The following SLC30A7 variants were observed in gnomAD, a reference collection of about 807,000 sequenced individuals.
The protein encoded by SLC30A7 is zinc transporter 7.
In SLC30A7, 35 loss-of-function variants were observed where a neutral mutation model predicts 46.0. The observed-to-expected ratio is 0.76, with a 90% CI of 0.58 to 1.01. The LOEUF (loss-of-function observed/expected upper bound fraction) is 1.01. Ranked by LOEUF, SLC30A7 falls within the 50% of genes least tolerant of loss-of-function variation. The pLI is 0.00. For missense variants in SLC30A7, 464 were observed against 451.1 expected, an observed-to-expected ratio of 1.03 and a Z score of -0.26; for synonymous variants, 147 against 157.8, an observed-to-expected ratio of 0.93 and a Z score of 0.51.
At chr1:100,974,662 G>T in intron 10 of SLC30A7, 148 bp from the exon 11 acceptor site, 2 of 513,354 alleles carry the variant, frequency 3.9e-6, no homozygotes, top group South Asian at 5.5e-5. Context: ...ATTATTTTTT[G>T]TAGCTTATGA....
chr1:100,913,529 A>G (rs1483620802), intron 5 of SLC30A7, 134 bp from the exon 6 acceptor site: 2 of 677,306 alleles, frequency 3.0e-6, no homozygotes. Context: ...CAAATGTGTA[A>G]CACTTTTTAC....
chr1:100,970,204 A>C (rs943829357), intron 10 of SLC30A7, among the ~76,000 whole-genome samples: 1 of 152,210 alleles, frequency 6.6e-6, no homozygotes, highest in African/African-American at 2.4e-5. Context: ...GATTTATTAC[A>C]TTTTTAGGTA....
At chr1:100,974,578 A>G (rs1570602928) in intron 10 of SLC30A7, among the ~76,000 whole-genome samples, 1 of 152,020 alleles carries the variant, frequency 6.6e-6, no homozygotes, top group East Asian at 1.9e-4. Context: ...TATCACCTGG[A>G]TATCTGGATA....
At chr1:100,974,665 G>T in intron 10 of SLC30A7, 145 bp from the exon 11 acceptor site, 1 of 536,110 alleles carries the variant, frequency 1.9e-6, no homozygotes. Context: ...ATTTTTTGTA[G>T]CTTATGAATA....
chr1:100,958,750 G>A (rs1057035598), intron 8 of SLC30A7, among the ~76,000 whole-genome samples: 25 of 152,026 alleles, frequency 1.6e-4, no homozygotes, highest in Admixed American at 8.5e-4. Context: ...ACATTTATTT[G>A]CCAAACACCA....
At chr1:100,991,516 G>A in the SLC30A7 span, among the ~76,000 whole-genome samples, 2 of 152,144 alleles carry the variant, frequency 1.3e-5, no homozygotes, top group African/African-American at 4.8e-5. Flanking sequence ...GACTGGGTGC[G>A]GTGACTCGCA....
chr1:100,982,249 C>T (rs1385801709), downstream of SLC30A7, among the ~76,000 whole-genome samples: 2 of 152,240 alleles, frequency 1.3e-5, no homozygotes, highest in African/African-American at 4.8e-5. Flanking sequence ...TCAATCTCTG[C>T]CATACTTCAA....
chr1:100,990,353 CAT>C, the SLC30A7 span: 6 of 1,528,496 alleles, frequency 3.9e-6, no homozygotes, highest in Non-Finnish European at 4.5e-6. Flanking sequence ...ACATCCAAAC[CAT>C]ATCAATCCAT....
chr1:100,958,429 G>A (rs1054256797), intron 8 of SLC30A7, among the ~76,000 whole-genome samples: 1 of 152,156 alleles, frequency 6.6e-6, no homozygotes, highest in African/African-American at 2.4e-5. Flanking sequence ...ACCCGCCTTG[G>A]CCTCCCAAAG....
At position 100,921,851 on chromosome 1, in the gene SLC30A7, A is replaced by G. The variant is rs771917425; in HGVS notation, c.842+10A>G. On this transcript the variant is annotated intron_variant, in intron 8 of 10. Coordinates refer to ENST00000357650, the MANE Select transcript of SLC30A7 (RefSeq NM_133496.5). Reference sequence around the variant, plus strand: ...TTCTTATAGTTGTAAGGTAAGTGTTATTGTTACTTTCAAGTATTAAAGTGA... The same window carrying G: ...TTCTTATAGTTGTAAGGTAAGTGTTGTTGTTACTTTCAAGTATTAAAGTGA... The G allele has an allele frequency of 1.9e-6, 3 of 1,590,278 alleles. No homozygotes were observed. Among genetic ancestry groups the G allele is most frequent in the African/African-American group, 2.7e-5 (2 of 73,784 alleles).
At chr1:100,949,421 G>T (rs1377988937) in intron 8 of SLC30A7, among the ~76,000 whole-genome samples, 3 of 152,208 alleles carry the variant, frequency 2.0e-5, no homozygotes, top group Non-Finnish European at 4.4e-5. Context: ...TGAGGTGTCT[G>T]TCAGCCCCTA....
At chr1:100,973,168 A>G (rs1656252952) in intron 10 of SLC30A7, among the ~76,000 whole-genome samples, 1 of 152,090 alleles carries the variant, frequency 6.6e-6, no homozygotes, top group Non-Finnish European at 1.5e-5. Context: ...TAGTTCCTGA[A>G]TCCTTTCAAG....
At chr1:100,926,540 C>A (rs993517423) in intron 8 of SLC30A7, among the ~76,000 whole-genome samples, 1 of 152,222 alleles carries the variant, frequency 6.6e-6, no homozygotes, top group Admixed American at 6.5e-5. Flanking sequence ...AAACACCTCC[C>A]ACCAGGCCCC....
chr1:100,907,832 C>G (rs951907691), intron 3 of SLC30A7, among the ~76,000 whole-genome samples: 3 of 151,916 alleles, frequency 2.0e-5, no homozygotes, highest in Admixed American at 2.0e-4. Context: ...TTATCTTCTC[C>G]TGAACTCCCT....
Position 100,909,231 on chromosome 1 carries a change from C to A in SLC30A7, c.297-1832C>A, listed in dbSNP as rs529038712. ...TAAGCATAGGGTTGAATTCTCATAA[C>A]CTCCCACCCCAATTCAGGATGACTG... On this transcript the variant is annotated intron_variant, in intron 3 of 10. Coordinates refer to ENST00000357650, the MANE Select transcript of SLC30A7 (RefSeq NM_133496.5). Among the ~76,000 whole-genome samples, 3 of 152,166 alleles carry A rather than the reference C, an allele frequency of 2.0e-5. No homozygotes were observed. The South Asian group carries it at 6.2e-4, about 32-fold the overall frequency.
In SLC30A7 at chr1:100,973,154, C is replaced by T. The variant is rs569274860; in HGVS notation, c.1084-1656C>T. ...AGAGCCTGCAAGCCTTTTATCCATT[C>T]GAGTAGTTCCTGAATCCTTTCAAGC... On this transcript the variant is annotated intron_variant, in intron 10 of 10. Coordinates refer to ENST00000357650, the MANE Select transcript of SLC30A7 (RefSeq NM_133496.5). 1.2e-4 allele frequency among the ~76,000 whole-genome samples: 19 copies of T among 152,096 alleles called. 1 individual carries two copies. Among genetic ancestry groups the T allele is most frequent in the Middle Eastern group, 3.4e-3 (1 of 294 alleles).
At chr1:100,901,490 T>C (rs1024550744) in intron 2 of SLC30A7, among the ~76,000 whole-genome samples, 2 of 152,244 alleles carry the variant, frequency 1.3e-5, no homozygotes, top group Non-Finnish European at 2.9e-5. Flanking sequence ...AGTCTTACTG[T>C]GTTGCCCAAG....
In SLC30A7 at chr1:100,905,491, C is replaced by G. The variant is rs146564444; in HGVS notation, c.183-1361C>G. ...TTTCTCTTTAAATACTTTTCCTATC[C>G]CTTTCTTTTTTTCTTTTCTGTTCCT... On this transcript the variant is annotated intron_variant, in intron 2 of 10. Coordinates refer to ENST00000357650, the MANE Select transcript of SLC30A7 (RefSeq NM_133496.5). Among the ~76,000 whole-genome samples, 143 of 151,890 alleles carry G rather than the reference C, an allele frequency of 9.4e-4. 1 individual carries two copies. The East Asian group carries it at 0.023, about 24-fold the overall frequency.
At chr1:100,918,634 A>T (rs1652751598) in intron 7 of SLC30A7, among the ~76,000 whole-genome samples, 1 of 152,176 alleles carries the variant, frequency 6.6e-6, no homozygotes, top group African/African-American at 2.4e-5. Flanking sequence ...CCTACCGAAC[A>T]TCATAGTTTT....
Sources: gnomAD v4.1 joint callset for allele counts (sites outside exome capture counted in the v4.1 genomes callset) on GRCh38, gnomAD v4.1.1 for gene constraint, MANE v1.5 for transcripts, NCBI Gene and HGNC (gene_info 2026-07-23, HGNC 2026-07-21) for gene names.